The following LRRC4C variants were observed in gnomAD, a reference collection of about 807,000 sequenced individuals.
LRRC4C encodes leucine rich repeat containing 4C, also known as leucine-rich repeat-containing protein 4C.
A neutral mutation model predicts 33.6 loss-of-function variants in LRRC4C; 5 were observed. The observed-to-expected ratio is 0.15, with a 90% CI of 0.08 to 0.31. LRRC4C has a LOEUF of 0.31. LRRC4C is among the 10% of genes least tolerant of loss of function. LRRC4C has a pLI of 1.00. For missense variants in LRRC4C, 560 were observed against 796.7 expected, an observed-to-expected ratio of 0.70 and a Z score of 3.58; for synonymous variants, 329 against 302.0, an observed-to-expected ratio of 1.09 and a Z score of -0.93.
chr11:40,869,250 A>G (rs1266110575), intron 2 of LRRC4C, among the ~76,000 whole-genome samples: 2 of 152,140 alleles, frequency 1.3e-5, no homozygotes, highest in Non-Finnish European at 2.9e-5. Flanking sequence ...ATGTATTGAA[A>G]TCTCAATCAG....
chr11:41,113,165 A>G (rs1411464955), intron 1 of LRRC4C, among the ~76,000 whole-genome samples: 3 of 152,088 alleles, frequency 2.0e-5, no homozygotes, highest in African/African-American at 7.2e-5. Flanking sequence ...ATGCCACTTT[A>G]TAAGTCAGTA....
chr11:40,138,471 A>G (rs1041252448), intron 6 of LRRC4C, among the ~76,000 whole-genome samples: 4 of 152,230 alleles, frequency 2.6e-5, no homozygotes, highest in African/African-American at 9.6e-5. Context: ...TAGCTGTAGT[A>G]TCACATCTAA....
intron 3 of LRRC4C, among the ~76,000 whole-genome samples, chr11:40,495,993 C>A (rs1485910217): frequency 6.6e-6 from 1 of 151,832 alleles, no homozygotes; most frequent in African/African-American, 2.4e-5. Flanking sequence ...CCACGCCCGG[C>A]TAATTTTTGT....
At position 40,362,284 on chromosome 11, in the gene LRRC4C, C is replaced by T. The variant is rs528504269; in HGVS notation, c.-269-42563G>A. The stretch of plus-strand genomic sequence containing the variant: ...AAATGGGATCCAATTAAGCAAAGAG[C>T]TCCTGCATAGCAAAAGAAACGATGA... On this transcript the variant is annotated intron_variant, in intron 3 of 6. Coordinates refer to ENST00000528697, the MANE Select transcript of LRRC4C (RefSeq NM_001258419.2). Among the ~76,000 whole-genome samples the T allele has an allele frequency of 3.3e-5, 5 of 152,070 alleles. No homozygotes were observed. In the East Asian group the frequency reaches 7.7e-4, roughly 24 times the overall value.
chr11:40,914,163 T>TA (rs1335473088), intron 2 of LRRC4C, among the ~76,000 whole-genome samples: 3 of 151,996 alleles, frequency 2.0e-5, no homozygotes, highest in African/African-American at 4.8e-5. Context: ...TTTCAATCAA[T>TA]AGAAAAAGAG....
intron 3 of LRRC4C, among the ~76,000 whole-genome samples, chr11:40,535,154 C>T (rs762544156): frequency 7.9e-5 from 12 of 152,106 alleles, no homozygotes; most frequent in Non-Finnish European, 1.5e-4. Context: ...AGTCATCTTC[C>T]TTGGAGGATT....
intron 5 of LRRC4C, among the ~76,000 whole-genome samples, chr11:40,185,122 C>G (rs546373312): frequency 5.1e-4 from 77 of 152,302 alleles, no homozygotes; most frequent in Non-Finnish European, 6.6e-4. Context: ...TTAGGAGGGG[C>G]AGAGTGATAT....
intron 2 of LRRC4C, among the ~76,000 whole-genome samples, chr11:40,895,715 T>G (rs186630055): frequency 1.3e-5 from 2 of 152,360 alleles, no homozygotes; most frequent in African/African-American, 4.8e-5. Context: ...ATTTGGCCAC[T>G]GGATACTTTC....
chr11:40,390,853 C>A (rs1181367185), intron 3 of LRRC4C, among the ~76,000 whole-genome samples: 2 of 151,838 alleles, frequency 1.3e-5, no homozygotes, highest in South Asian at 2.1e-4. Flanking sequence ...GAAATAATCT[C>A]TTTTCTTTTC....
intron 2 of LRRC4C, among the ~76,000 whole-genome samples, chr11:40,886,554 T>C (rs967500382): frequency 3.3e-5 from 5 of 152,008 alleles, no homozygotes; most frequent in Admixed American, 2.6e-4. Context: ...TTCTCTCTTT[T>C]TTTTTTAATT....
At chr11:40,892,097 T>A (rs1285970349) in intron 2 of LRRC4C, among the ~76,000 whole-genome samples, 32 of 137,844 alleles carry the variant, frequency 2.3e-4, no homozygotes, top group African/African-American at 7.4e-4. Context: ...ATGGCGCCAC[T>A]GCACTCCAGC....
At chr11:40,623,529 G>T (rs2135965901) in intron 3 of LRRC4C, among the ~76,000 whole-genome samples, 1 of 151,990 alleles carries the variant, frequency 6.6e-6, no homozygotes, top group South Asian at 2.1e-4. Context: ...TAACTAGTAG[G>T]ATCTATAAAG....
chr11:40,501,743 C>T (rs954240318), intron 3 of LRRC4C, among the ~76,000 whole-genome samples: 1 of 152,108 alleles, frequency 6.6e-6, no homozygotes, highest in Non-Finnish European at 1.5e-5. Context: ...GGAGGGGCTG[C>T]CACGAAGGTC....
intron 4 of LRRC4C, chr11:40,293,172 C>T (rs977485277): frequency 2.1e-5 from 3 of 142,060 alleles, no homozygotes; most frequent in African/African-American, 7.6e-5. Flanking sequence ...TCTGCAATTT[C>T]ATAATCTCAC....
At chr11:40,676,640 T>C (rs1944418845) in intron 2 of LRRC4C, among the ~76,000 whole-genome samples, 1 of 152,236 alleles carries the variant, frequency 6.6e-6, no homozygotes, top group Non-Finnish European at 1.5e-5. Context: ...CATTATAAGA[T>C]GGCTATCATG....
chr11:40,547,850 A>C (rs2135426479), intron 3 of LRRC4C, among the ~76,000 whole-genome samples: 1 of 152,224 alleles, frequency 6.6e-6, no homozygotes, highest in Admixed American at 6.6e-5. Flanking sequence ...AAGGCCAGAG[A>C]ATATATAAAA....
chr11:40,829,782 CTG>C lies in LRRC4C; in HGVS notation c.-407+103851_-407+103852del, dbSNP rs546532616. ...TATTGATTCCATTATCTATCAACCACTGTGTCAGGTGCTGGAGCTGTAAAACT... is the reference window on the plus strand; with the variant it reads ...TATTGATTCCATTATCTATCAACCACTGTCAGGTGCTGGAGCTGTAAAACT... On this transcript the variant is annotated intron_variant, in intron 2 of 6. Transcript: ENST00000528697. Among the ~76,000 whole-genome samples the C allele has an allele frequency of 1.4e-4, 22 of 152,168 alleles. No individual in the cohort carries two copies. The South Asian group carries it at 3.1e-3, about 21-fold the overall frequency.
chr11:40,831,604 A>G (rs921399935), intron 2 of LRRC4C, among the ~76,000 whole-genome samples: 3 of 152,164 alleles, frequency 2.0e-5, no homozygotes, highest in Non-Finnish European at 2.9e-5. Flanking sequence ...TCATACTGCT[A>G]TGAAGAAATA....
chr11:41,250,056 C>T (rs2136634921), intron 1 of LRRC4C, among the ~76,000 whole-genome samples: 1 of 152,068 alleles, frequency 6.6e-6, no homozygotes, highest in Admixed American at 6.5e-5. Flanking sequence ...GTAATCCCAG[C>T]TACTTGGGAG....
Sources: allele counts gnomAD v4.1 joint callset (sites outside exome capture counted in the v4.1 genomes callset), GRCh38; gene constraint gnomAD v4.1.1; transcripts MANE v1.5; gene names NCBI Gene and HGNC (gene_info 2026-07-23, HGNC 2026-07-21).